The following ARHGEF9 variants were observed in gnomAD, a reference collection of about 807,000 sequenced individuals.
ARHGEF9 encodes rho guanine nucleotide exchange factor 9.
A neutral mutation model predicts 41.3 loss-of-function variants in ARHGEF9; 2 were observed. That is an observed-to-expected ratio of 0.05 (90% CI 0.02 to 0.15). The LOEUF is 0.15. ARHGEF9 is among the 10% of genes least tolerant of loss of function. The pLI, the probability that ARHGEF9 is intolerant of heterozygous loss-of-function variation, is 1.00. For missense variants in ARHGEF9, 225 were observed against 424.7 expected (o/e 0.53, Z 4.13); for synonymous variants, 160 against 154.4 (o/e 1.04, Z -0.27).
intron 1 of ARHGEF9, among the ~76,000 whole-genome samples, chrX:63,729,192 T>G (rs2054144109): frequency 5.4e-5 from 6 of 111,251 alleles, no homozygotes. Context: ...CAGCAGGACA[T>G]GCAGGTGGGT....
intron 1 of ARHGEF9, among the ~76,000 whole-genome samples, chrX:63,735,834 G>C (rs1348636041): frequency 8.9e-6 from 1 of 111,851 alleles, no homozygotes; most frequent in Non-Finnish European, 1.9e-5. Context: ...GCCCAGAGAG[G>C]ACATCTGCAT....
At chrX:63,726,383 G>T (rs2053966771) in intron 1 of ARHGEF9, among the ~76,000 whole-genome samples, 1 of 111,705 alleles carries the variant, frequency 9.0e-6, no homozygotes, top group Non-Finnish European at 1.9e-5. Flanking sequence ...CTGTTGCCCA[G>T]GTTGGAGTGC....
At chrX:63,655,465 G>C in intron 8 of ARHGEF9, 29 bp downstream of exon 8, 2 of 1,210,209 alleles carry the variant, frequency 1.7e-6, no homozygotes, top group Non-Finnish European at 2.2e-6. Flanking sequence ...TCATAGCCAT[G>C]TTCTTCTTTC....
At chrX:63,669,696 G>A in intron 6 of ARHGEF9, among the ~76,000 whole-genome samples, 1 of 111,449 alleles carries the variant, frequency 9.0e-6, no homozygotes, top group Non-Finnish European at 1.9e-5. Context: ...AAACCACATG[G>A]TTTGCTCCTT....
intron 1 of ARHGEF9, among the ~76,000 whole-genome samples, chrX:63,779,167 C>T (rs1569507755): frequency 1.8e-5 from 2 of 111,879 alleles, no homozygotes; most frequent in Admixed American, 1.9e-4. Context: ...CCAACCTCTG[C>T]CCGTTACCCG....
intron 1 of ARHGEF9, among the ~76,000 whole-genome samples, chrX:63,742,996 G>A (rs2055049449): frequency 8.9e-6 from 1 of 112,099 alleles, no homozygotes; most frequent in Admixed American, 9.4e-5. Flanking sequence ...AGCATTTTGG[G>A]AGGCTGAGGT....
chrX:63,637,234 C>T lies in ARHGEF9; in HGVS notation c.*794G>A. ...GCCTGAATGCAAAATGTTCCCTGAA[C>T]AGAAGTCCACTCCAGCATCATCATA... is the stretch of plus-strand genomic sequence containing the variant. On this transcript the variant is annotated 3_prime_UTR_variant, in exon 10 of 10. Transcript: ENST00000671741. 1 of 297,698 alleles carries T rather than the reference C, an allele frequency of 3.4e-6. No homozygotes were observed. The highest frequency in any genetic ancestry group is 5.9e-6 in the Non-Finnish European group (1 of 170,397). 24.5% of individuals were successfully genotyped at this position (297,698 alleles called of 1,213,427 possible).
At chrX:63,758,875 G>A (rs1281317374) in intron 1 of ARHGEF9, among the ~76,000 whole-genome samples, 5 of 111,788 alleles carry the variant, frequency 4.5e-5, no homozygotes, top group Middle Eastern at 4.7e-3. Flanking sequence ...CAGAGACCAC[G>A]ACTGTCTTGT....
intron 1 of ARHGEF9, among the ~76,000 whole-genome samples, chrX:63,738,630 T>A (rs2054759775): frequency 1.8e-5 from 2 of 111,011 alleles, no homozygotes; most frequent in African/African-American, 3.3e-5. Context: ...TCCCTCAAAA[T>A]GAATACTGTA....
chrX:63,648,659 T>C (rs1442376758), intron 8 of ARHGEF9, among the ~76,000 whole-genome samples: 9 of 111,266 alleles, frequency 8.1e-5, no homozygotes, highest in African/African-American at 1.6e-4. Context: ...GACTGGCACA[T>C]TGGATAAAGA....
intron 1 of ARHGEF9, among the ~76,000 whole-genome samples, chrX:63,749,236 C>A: frequency 9.0e-6 from 1 of 111,369 alleles, no homozygotes; most frequent in East Asian, 2.8e-4. Flanking sequence ...GTTTCCTTTT[C>A]TTTCTTTTTT....
At chrX:63,648,998 A>G in intron 8 of ARHGEF9, among the ~76,000 whole-genome samples, 1 of 111,264 alleles carries the variant, frequency 9.0e-6, no homozygotes, top group Non-Finnish European at 1.9e-5. Flanking sequence ...ACACAATAAT[A>G]ATGGGAGACT....
At chrX:63,783,928 C>T (rs1488489468) in intron 1 of ARHGEF9, among the ~76,000 whole-genome samples, 1 of 111,766 alleles carries the variant, frequency 8.9e-6, no homozygotes, top group Non-Finnish European at 1.9e-5. Context: ...GCATATGAAC[C>T]GGATGCCCTT....
chrX:63,661,776 C>T, intron 7 of ARHGEF9, among the ~76,000 whole-genome samples: 1 of 111,477 alleles, frequency 9.0e-6, no homozygotes, highest in East Asian at 2.8e-4. Flanking sequence ...CTCTCTCTCT[C>T]TCTCTCTCTG....
At chrX:63,665,550 T>G (rs1556346737) in intron 7 of ARHGEF9, among the ~76,000 whole-genome samples, 1 of 112,610 alleles carries the variant, frequency 8.9e-6, no homozygotes, top group Non-Finnish European at 1.9e-5. Flanking sequence ...CCAACTAAGA[T>G]AGACATATTT....
intron 8 of ARHGEF9, among the ~76,000 whole-genome samples, chrX:63,650,226 T>G (rs1339168630): frequency 1.8e-5 from 2 of 111,364 alleles, no homozygotes; most frequent in African/African-American, 3.3e-5. Flanking sequence ...ATATCTATGC[T>G]CTCATGTTTA....
At chrX:63,644,742 C>T (rs1271057025) in intron 8 of ARHGEF9, among the ~76,000 whole-genome samples, 3 of 105,438 alleles carry the variant, frequency 2.8e-5, no homozygotes, top group African/African-American at 1.1e-4. Context: ...TGGAAGGAAT[C>T]GCCTTCTATT....
Position 63,644,023 on chromosome X carries a change from C to T in ARHGEF9, c.1347G>A (p.Lys449=). Residue 449 remains lysine (K), a synonymous_variant, in exon 9 of 10, where the codon AAG becomes AAA. Transcript: ENST00000671741. ...KIGFEISENQ[K]RQAAMTVRKV... ...TTCTCACAGTCATTGCAGCCTGCCT[C>T]TTCTGGTTTTCAGAAATTTCAAAGC... 1 of 1,210,198 alleles carries T rather than the reference C, an allele frequency of 8.3e-7. No individual in the cohort carries two copies. Among genetic ancestry groups the T allele is most frequent in the Non-Finnish European group, 1.1e-6 (1 of 894,945 alleles).
intron 8 of ARHGEF9, among the ~76,000 whole-genome samples, chrX:63,654,555 A>G (rs2048764024): frequency 8.9e-6 from 1 of 111,952 alleles, no homozygotes; most frequent in African/African-American, 3.2e-5. Context: ...CTGGAGTTAG[A>G]TTTGTCTTTC....
Sources: gnomAD v4.1 joint callset for allele counts (sites outside exome capture counted in the v4.1 genomes callset) on GRCh38, gnomAD v4.1.1 for gene constraint, MANE v1.5 for transcripts, NCBI Gene and HGNC (gene_info 2026-07-23, HGNC 2026-07-21) for gene names.